WWOX: variants seen among roughly 807,000 people sequenced by gnomAD.
WWOX encodes WW domain-containing oxidoreductase.
In WWOX, 69 loss-of-function variants were observed where a neutral mutation model predicts 46.2. The ratio of observed to expected loss-of-function variants is 1.49; its 90% CI spans 1.23 to 1.82. The LOEUF is 1.82. Among genes scored for constraint, WWOX ranks in the 40% most tolerant of loss-of-function variants. WWOX has a pLI of 0.00. For missense variants in WWOX, 919 were observed against 542.6 expected, an observed-to-expected ratio of 1.69 and a Z score of -6.89; for synonymous variants, 359 against 202.6, an observed-to-expected ratio of 1.77 and a Z score of -6.56.
At chr16:78,283,575 A>G (rs1375880937) in intron 5 of WWOX, among the ~76,000 whole-genome samples, 1 of 152,084 alleles carries the variant, frequency 6.6e-6, no homozygotes, top group African/African-American at 2.4e-5. Context: ...AAACGGATAC[A>G]GTTTTCTTTA....
chr16:78,507,505 T>C (rs1157099388), intron 8 of WWOX, among the ~76,000 whole-genome samples: 1 of 152,212 alleles, frequency 6.6e-6, no homozygotes, highest in African/African-American at 2.4e-5. Context: ...AAAAGCTGCC[T>C]GTGTTTTTAT....
intron 8 of WWOX, among the ~76,000 whole-genome samples, chr16:79,201,051 C>T (rs181257321): frequency 6.6e-6 from 1 of 152,160 alleles, no homozygotes; most frequent in African/African-American, 2.4e-5. Context: ...CCAAGAAACA[C>T]ATGAAGGTTA....
intron 8 of WWOX, among the ~76,000 whole-genome samples, chr16:78,520,825 C>A (rs774438045): frequency 2.0e-5 from 3 of 152,106 alleles, no homozygotes; most frequent in Admixed American, 1.3e-4. Context: ...CTCTGGAAGT[C>A]CAGTTTTTCT....
chr16:78,705,604 A>G (rs2048312554), intron 8 of WWOX, among the ~76,000 whole-genome samples: 1 of 152,216 alleles, frequency 6.6e-6, no homozygotes, highest in East Asian at 1.9e-4. Flanking sequence ...GTAAATACTT[A>G]AAGTAACAGA....
At chr16:78,298,020 T>C (rs1358222745) in intron 5 of WWOX, among the ~76,000 whole-genome samples, 1 of 152,056 alleles carries the variant, frequency 6.6e-6, no homozygotes, top group African/African-American at 2.4e-5. Context: ...GATCTGATGG[T>C]TTTGTGCGGG....
chr16:78,427,267 C>T (rs1407202609), intron 7 of WWOX, among the ~76,000 whole-genome samples: 1 of 152,152 alleles, frequency 6.6e-6, no homozygotes, highest in East Asian at 1.9e-4. Context: ...CTAGACTGCT[C>T]CAAGGCAAAA....
intron 8 of WWOX, among the ~76,000 whole-genome samples, chr16:78,816,885 C>T (rs1328732969): frequency 6.6e-6 from 1 of 152,076 alleles, no homozygotes; most frequent in Non-Finnish European, 1.5e-5. Context: ...TGGTTACAAA[C>T]ATCTGAAGGC....
chr16:79,048,704 A>T (rs569775164), intron 8 of WWOX, among the ~76,000 whole-genome samples: 1 of 152,118 alleles, frequency 6.6e-6, no homozygotes, highest in African/African-American at 2.4e-5. Context: ...TATTTCTTCA[A>T]ACTTTCAAAT....
chr16:79,163,577 T>C (rs144523109), intron 8 of WWOX, among the ~76,000 whole-genome samples: 1 of 152,184 alleles, frequency 6.6e-6, no homozygotes, highest in African/African-American at 2.4e-5. Context: ...AGGGGGTGGA[T>C]CACCTGAAGC....
chr16:79,091,694 C>T (rs1342060958), intron 8 of WWOX, among the ~76,000 whole-genome samples: 1 of 152,026 alleles, frequency 6.6e-6, no homozygotes, highest in African/African-American at 2.4e-5. Context: ...AAGCAGCTCG[C>T]CTAAGGACTT....
intron 8 of WWOX, among the ~76,000 whole-genome samples, chr16:78,702,131 T>C (rs2048238086): frequency 7.1e-6 from 1 of 141,526 alleles, no homozygotes; most frequent in Admixed American, 7.2e-5. Context: ...TATTTATTTA[T>C]TTTCAAGACA....
chr16:79,179,531 G>T (rs530387568), intron 8 of WWOX, among the ~76,000 whole-genome samples: 3 of 152,292 alleles, frequency 2.0e-5, no homozygotes, highest in South Asian at 4.1e-4. Context: ...TTTTCCTTCA[G>T]CCTAGCTAAA....
chr16:78,396,589 G>A (rs766929902), intron 6 of WWOX, among the ~76,000 whole-genome samples: 3 of 152,246 alleles, frequency 2.0e-5, no homozygotes, highest in Non-Finnish European at 4.4e-5. Context: ...TCCCACCAGT[G>A]CACATGCAAG....
intron 8 of WWOX, among the ~76,000 whole-genome samples, chr16:78,878,614 T>G (rs556038600): frequency 6.6e-6 from 1 of 151,348 alleles, no homozygotes; most frequent in East Asian, 1.9e-4. Context: ...AGATAATATG[T>G]ATGAAGAACC....
chr16:78,465,850 C>G (rs1055876317), intron 8 of WWOX, among the ~76,000 whole-genome samples: 28 of 152,078 alleles, frequency 1.8e-4, no homozygotes, highest in Admixed American at 2.0e-4. Flanking sequence ...TTGGGCTTGA[C>G]TTATTTTTAA....
chr16:78,819,210 G>A (rs573612036), intron 8 of WWOX, among the ~76,000 whole-genome samples: 3 of 152,148 alleles, frequency 2.0e-5, no homozygotes, highest in South Asian at 2.1e-4. Flanking sequence ...AATGAGCCCC[G>A]GCTCAGCAGG....
intron 8 of WWOX, among the ~76,000 whole-genome samples, chr16:78,531,459 A>G (rs2043618896): frequency 6.6e-6 from 1 of 152,144 alleles, no homozygotes; most frequent in Non-Finnish European, 1.5e-5. Context: ...CTAATACTTT[A>G]TTATGTCATA....
At position 78,804,622 on chromosome 16, in the gene WWOX, T is replaced by C. The variant is rs147072318; in HGVS notation, c.1056+371870T>C. Among the ~76,000 whole-genome samples the C allele has an allele frequency of 1.8e-3, 275 of 152,342 alleles. 1 individual carries two copies. Among genetic ancestry groups the C allele is most frequent in the African/African-American group, 6.2e-3 (258 of 41,578 alleles). On this transcript the variant is annotated intron_variant, in intron 8 of 8. Transcript: ENST00000566780. ...CACGTAGCTCAAAATGTTTTACATG[T>C]CAAGCAATGAGCCTTTGAGTGTAGC...
intron 8 of WWOX, among the ~76,000 whole-genome samples, chr16:78,581,904 A>G (rs2045065752): frequency 6.6e-6 from 1 of 152,170 alleles, no homozygotes; most frequent in East Asian, 1.9e-4. Context: ...TGTGGTCTCG[A>G]GATGACCTTA....
Sources: gnomAD v4.1 joint callset for allele counts (sites outside exome capture counted in the v4.1 genomes callset) on GRCh38, gnomAD v4.1.1 for gene constraint, MANE v1.5 for transcripts, NCBI Gene and HGNC (gene_info 2026-07-23, HGNC 2026-07-21) for gene names.